RYR1: variants seen among roughly 807,000 people sequenced by gnomAD.
RYR1 encodes the protein central core disease of muscle.
In RYR1, 342 loss-of-function variants were observed where a neutral mutation model predicts 583.5. The observed-to-expected ratio is 0.59, with a 90% CI of 0.54 to 0.64. The LOEUF (loss-of-function observed/expected upper bound fraction) is 0.64, where lower values mean the gene tolerates loss of function less well. Ranked by LOEUF, RYR1 falls within the 30% of genes least tolerant of loss-of-function variation. The probability of loss-of-function intolerance (pLI) is 0.00; values close to 1 mark genes in which losing one functional copy is unlikely to be tolerated. For synonymous variants in RYR1, 2,791 were observed against 2,822.5 expected, an observed-to-expected ratio of 0.99 and a Z score of 0.35; for missense variants, 6,032 against 6,917.2, an observed-to-expected ratio of 0.87 and a Z score of 4.54.
Position 38,543,558 on chromosome 19 carries a change from C to G in RYR1, c.11805C>G (p.Tyr3935Ter). 2 of 1,614,044 alleles carry G rather than the reference C, an allele frequency of 1.2e-6. No homozygotes were observed. Reference sequence around the variant, plus strand: ...AATCCATCAGCGACTTCTACTGGTACTACTCGGGCAAGGATGTCATTGAAG... The same window carrying G: ...AATCCATCAGCGACTTCTACTGGTAGTACTCGGGCAAGGATGTCATTGAAG... ...LQESISDFYWYYSGKDVIEEQ... is the reference protein window; with the variant it reads ...LQESISDFYW The change falls in exon 86 of 106, where the codon TAC becomes TAG. Residue 3935 changes from tyrosine to a stop codon, truncating the protein, a stop_gained. Transcript: ENST00000359596. LOFTEE classifies it high-confidence loss of function. This position sits in a 1 kb window ranked among gnomAD's most constrained non-coding sequence, Gnocchi z 4.4.
Position 38,502,584 on chromosome 19 carries a change from G to C in RYR1, c.7692G>C (p.Lys2564Asn), listed in dbSNP as rs886038341. ...TGGCCGTGCTGCCGCTCATCACCAA[G>C]TGTGCGCCGCTCTTTGCGGGCACAG... Reference protein sequence around the residue: ...LCLAVLPLITKCAPLFAGTEH... With the variant: ...LCLAVLPLITNCAPLFAGTEH... Residue 2564 changes from lysine (K) to asparagine (N), a missense_variant, in exon 48 of 106, where the codon AAG (lysine) becomes AAC (asparagine). Lys to Asn is a moderately conservative substitution (Grantham distance 94). This residue lies in a region of RYR1 where 250 missense variants were observed against 162.3 expected (regional missense o/e 1.54). Coordinates refer to ENST00000359596, the MANE Select transcript of RYR1 (RefSeq NM_000540.3). The C allele has an allele frequency of 6.2e-7, 1 of 1,612,568 alleles. No individual in the cohort carries two copies. The highest frequency in any genetic ancestry group is 8.5e-7 in the Non-Finnish European group (1 of 1,179,902).
At position 38,530,989 on chromosome 19, in the gene RYR1, T is replaced by C. The variant is rs112971357; in HGVS notation, c.11142-1501T>C. Among the ~76,000 whole-genome samples, 622 of 97,724 alleles carry C rather than the reference T, an allele frequency of 6.4e-3. 1 individual carries two copies. The highest frequency in any genetic ancestry group is 8.4e-3 in the Non-Finnish European group (442 of 52,834). The allele number at this position is 97,724 out of a possible 152,430, so 64.1% of individuals were successfully genotyped here. ...AGCTATTTTTCTTTTTTCTTTCTCT[T>C]TTTTTTTTTTTTTTTTGTATTTTTA... On this transcript the variant is annotated intron_variant, in intron 76 of 105. Coordinates refer to ENST00000359596, the MANE Select transcript of RYR1 (RefSeq NM_000540.3).
rs778384830 is a variant in RYR1 at position 38,512,165 on chromosome 19, C to A, written c.9233+33C>A. On this transcript the variant is annotated intron_variant, in intron 62 of 105. Coordinates refer to ENST00000359596, the MANE Select transcript of RYR1 (RefSeq NM_000540.3). The surrounding 1 kb of genome is among the most constrained non-coding windows in gnomAD (Gnocchi z 5.1). ...CATAGGCAGTGGCGCCCACTCCCAC[C>A]ATCATCGGGCCCCCACCCCAACCCC... 2.5e-6 allele frequency: 4 copies of A among 1,613,664 alleles called. No homozygotes were observed. In the Admixed American group the frequency reaches 5.0e-5, roughly 20 times the overall value.
chr19:38,502,862 T>G lies in RYR1; in HGVS notation c.7836-18T>G, dbSNP rs759051397. The stretch of plus-strand genomic sequence containing the variant: ...GGGCCTGGACGGGGGATTCTACATC[T>G]TGTGCATTGTCCCGCAGGTACATCC... On this transcript the variant is annotated intron_variant, in intron 48 of 105. Transcript: ENST00000359596. The G allele has an allele frequency of 1.9e-6, 3 of 1,607,444 alleles. No homozygotes were observed. The South Asian group carries it at 3.3e-5, about 18-fold the overall frequency.
rs61586345 is a variant in RYR1, at chr19:38,455,445, C to G, written c.1577-6C>G. 5.2e-3 allele frequency: 8,328 copies of G among 1,614,150 alleles called. 256 individuals are homozygous for G. In the African/African-American group the frequency reaches 0.084, roughly 16 times the overall value. ...CTATTGGATCTGACACCTCTTCCCC[C>G]CTCAGCTTCTCTAATCCGTGGCAAT... is the stretch of plus-strand genomic sequence containing the variant. On this transcript the variant is annotated splice_region_variant and splice_polypyrimidine_tract_variant and intron_variant, in intron 14 of 105. Coordinates refer to ENST00000359596, the MANE Select transcript of RYR1 (RefSeq NM_000540.3).
intron 50 of RYR1, 62 bp downstream of exon 50, chr19:38,504,422 GT>G: frequency 6.3e-7 from 1 of 1,588,686 alleles, no homozygotes; most frequent in Admixed American, 1.7e-5. Context: ...AAAATTGGGG[GT>G]CCAGAGTGAA....
chr19:38,485,369 C>T (rs942967288), intron 33 of RYR1, among the ~76,000 whole-genome samples: 15 of 152,158 alleles, frequency 9.9e-5, no homozygotes, highest in Non-Finnish European at 1.6e-4. Flanking sequence ...CTGCAGCCTT[C>T]GACACTCGTC....
intron 29 of RYR1, among the ~76,000 whole-genome samples, chr19:38,475,856 A>G (rs1397762285): frequency 6.6e-6 from 1 of 152,218 alleles, no homozygotes; most frequent in African/African-American, 2.4e-5. Context: ...GATTTCCCCA[A>G]ATCCAAAATA....
intron 5 of RYR1, 92 bp downstream of exon 5, chr19:38,443,888 G>A: frequency 8.3e-7 from 1 of 1,207,200 alleles, no homozygotes; most frequent in Non-Finnish European, 1.2e-6. Context: ...GCAAGCATGA[G>A]ACTACCCTGG....
rs1381161880 is a variant in RYR1 at position 38,448,369 on chromosome 19, A to G, written c.815A>G (p.His272Arg). The G allele has an allele frequency of 6.2e-7, 1 of 1,609,564 alleles. No homozygotes were observed. The highest frequency in any genetic ancestry group is 8.5e-7 in the Non-Finnish European group (1 of 1,179,946). The change falls in exon 10 of 106, where the codon CAC (histidine) becomes CGC (arginine). Residue 272 changes from histidine (H) to arginine (R), a missense_variant. Coordinates refer to ENST00000359596, the MANE Select transcript of RYR1 (RefSeq NM_000540.3). ...EPLRISWSGS[H>R]LRWGQPLRVR... ...ACCCTCCACAGCTGGAGTGGGAGCC[A>G]CCTGCGCTGGGGCCAGCCACTCCGA... is the stretch of plus-strand genomic sequence containing the variant.
rs1186982238 is a variant in RYR1 at position 38,512,144 on chromosome 19, G to A, written c.9233+12G>A. On this transcript the variant is annotated intron_variant, in intron 62 of 105. Transcript: ENST00000359596. The surrounding 1 kb of genome is among the most constrained non-coding windows in gnomAD (Gnocchi z 5.1). ...TCCCTGGATGCCAGGTAGGGCCATAGGCAGTGGCGCCCACTCCCACCATCA... is the reference window on the plus strand; with the variant it reads ...TCCCTGGATGCCAGGTAGGGCCATAAGCAGTGGCGCCCACTCCCACCATCA... 1 of 1,614,160 alleles carries A rather than the reference G, an allele frequency of 6.2e-7. No individual in the cohort carries two copies. Among genetic ancestry groups the A allele is most frequent in the Admixed American group, 1.7e-5 (1 of 60,024 alleles).
At chr19:38,524,618 C>A (rs560503958) in intron 70 of RYR1, among the ~76,000 whole-genome samples, 2 of 152,366 alleles carry the variant, frequency 1.3e-5, no homozygotes, top group Admixed American at 6.5e-5. Context: ...CGGGTCTGCA[C>A]CCAAGGCTCC....
At chr19:38,471,044 A>C (rs768453733) in intron 27 of RYR1, among the ~76,000 whole-genome samples, 1 of 152,272 alleles carries the variant, frequency 6.6e-6, no homozygotes, top group Non-Finnish European at 1.5e-5. Context: ...CATAATGTCG[A>C]GTAGAAGAAG....
intron 89 of RYR1, among the ~76,000 whole-genome samples, chr19:38,549,875 T>TTGTGTG (rs150566334): frequency 0.021 from 2,608 of 122,190 alleles, 46 homozygotes; most frequent in Middle Eastern, 0.058. Flanking sequence ...CCAGCTAAAT[T>TTGTGTG]TGTGTGTGTG....
chr19:38,503,570 C>T (rs1485964908), intron 49 of RYR1, among the ~76,000 whole-genome samples: 4 of 152,004 alleles, frequency 2.6e-5, no homozygotes, highest in South Asian at 2.1e-4. Context: ...GTCAGGAGTT[C>T]GAGACCAGCC....
intron 42 of RYR1, among the ~76,000 whole-genome samples, chr19:38,498,753 A>G (rs983221343): frequency 1.3e-5 from 2 of 152,182 alleles, no homozygotes; most frequent in African/African-American, 4.8e-5. Flanking sequence ...GAGGATGACC[A>G]GAGGTCACTC....
intron 28 of RYR1, 107 bp from the exon 29 acceptor site, chr19:38,475,211 G>T (rs1968655473): frequency 2.8e-6 from 4 of 1,446,616 alleles, no homozygotes; most frequent in African/African-American, 1.4e-5. Flanking sequence ...AAGACCTGGG[G>T]TATTAGAAGC....
intron 89 of RYR1, among the ~76,000 whole-genome samples, chr19:38,549,698 C>CT (rs71165559): frequency 0.065 from 3,419 of 52,290 alleles, 123 homozygotes; most frequent in Middle Eastern, 0.11. Context: ...CTTTCCTTTC[C>CT]TTTTTTTTTT....
intron 95 of RYR1, among the ~76,000 whole-genome samples, chr19:38,572,768 C>A (rs563766022): frequency 6.1e-4 from 93 of 151,582 alleles, no homozygotes; most frequent in African/African-American, 2.1e-3. Flanking sequence ...CTGTGCCCCA[C>A]CCCCATTCCA....
Sources: gnomAD v4.1 joint callset for allele counts (sites outside exome capture counted in the v4.1 genomes callset) on GRCh38, gnomAD v4.1.1 for gene constraint, gnomAD v4.1.1 regional missense constraint, Gnocchi (gnomAD v3.1) non-coding constraint, MANE v1.5 for transcripts, NCBI Gene and HGNC (gene_info 2026-07-23, HGNC 2026-07-21) for gene names.